Variants in PNO1 observed in about 807,000 individuals in gnomAD.
PNO1 encodes the protein partner of NOB1 homolog.
Under a neutral mutation model 28.4 loss-of-function variants are expected in PNO1, and 16 were observed. That is an observed-to-expected ratio of 0.56 (90% CI 0.38 to 0.85). The LOEUF is 0.85. Ranked by LOEUF, PNO1 falls within the 40% of genes least tolerant of loss-of-function variation. PNO1 has a pLI of 0.00. For missense variants in PNO1, 304 were observed against 312.2 expected (o/e 0.97, Z 0.20); for synonymous variants, 115 against 110.8 (o/e 1.04, Z -0.24).
At chr2:68,159,730 A>C (rs1457195675) in intron 2 of PNO1, among the ~76,000 whole-genome samples, 1 of 152,152 alleles carries the variant, frequency 6.6e-6, no homozygotes, top group African/African-American at 2.4e-5. Flanking sequence ...TAAATAGTTG[A>C]TAAAGTGTAA....
chr2:68,173,284 T>G (rs1186108884), intron 5 of PNO1, 63 bp from the exon 6 acceptor site: 1 of 1,008,524 alleles, frequency 9.9e-7, no homozygotes, highest in African/African-American at 1.6e-5. Context: ...TCCAAAGTGC[T>G]GGGATTACAG....
Position 68,162,315 on chromosome 2 carries a change from A to G in PNO1, c.492A>G (p.Glu164=). The G allele has an allele frequency of 6.2e-7, 1 of 1,610,862 alleles. No homozygotes were observed. Among genetic ancestry groups the G allele is most frequent in the Non-Finnish European group, 8.5e-7 (1 of 1,177,860 alleles). ...RLDDLFLESF[E]ITDVKPLKGD... ...ATGACCTCTTCCTAGAGTCTTTTGA[A>G]ATTACAGATGGTGAGTGTGTGTTGG... The change falls in exon 4 of 7, where the codon GAA becomes GAG. Residue 164 remains glutamate, a synonymous_variant. Coordinates refer to ENST00000263657, the MANE Select transcript of PNO1 (RefSeq NM_020143.4).
intron 5 of PNO1, among the ~76,000 whole-genome samples, chr2:68,170,680 G>A (rs1422718466): frequency 1.4e-5 from 2 of 147,222 alleles, no homozygotes; most frequent in South Asian, 2.2e-4. Context: ...TCCGAGAGGC[G>A]GAGCTTGCAG....
intron 2 of PNO1, among the ~76,000 whole-genome samples, chr2:68,160,414 T>A (rs1673801081): frequency 6.6e-6 from 1 of 152,238 alleles, no homozygotes; most frequent in South Asian, 2.1e-4. Flanking sequence ...CCTACTCCTT[T>A]CTCTTTATAC....
chr2:68,173,260 A>G, intron 5 of PNO1, 87 bp from the exon 6 acceptor site: 2 of 800,846 alleles, frequency 2.5e-6, no homozygotes, highest in South Asian at 1.4e-5. Flanking sequence ...CAAATGATCT[A>G]CCTGCCTTGG....
At chr2:68,165,615 A>G (rs1336575852) in intron 5 of PNO1, among the ~76,000 whole-genome samples, 1 of 149,896 alleles carries the variant, frequency 6.7e-6, no homozygotes, top group Admixed American at 6.7e-5. Flanking sequence ...TTGGGAGGCT[A>G]AGGCGGGTGG....
intron 2 of PNO1, chr2:68,161,281 A>G (rs1449841905): frequency 2.1e-6 from 1 of 472,198 alleles, no homozygotes; most frequent in Non-Finnish European, 4.4e-6. Flanking sequence ...GATAACTAAG[A>G]AGATTAAGTC....
At chr2:68,164,849 G>A (rs936643865) in intron 5 of PNO1, among the ~76,000 whole-genome samples, 3 of 152,246 alleles carry the variant, frequency 2.0e-5, no homozygotes, top group African/African-American at 4.8e-5. Context: ...GCTCCTCACC[G>A]TATGGTGGGG....
At chr2:68,161,814 TG>T in intron 3 of PNO1, 48 bp downstream of exon 3, 5 of 1,230,654 alleles carry the variant, frequency 4.1e-6, no homozygotes, top group Non-Finnish European at 6.0e-6. Context: ...AAATATTCAA[TG>T]TGAACATTTC....
chr2:68,160,445 G>A (rs547495205), intron 2 of PNO1, among the ~76,000 whole-genome samples: 5 of 152,216 alleles, frequency 3.3e-5, no homozygotes, highest in East Asian at 1.9e-4. Context: ...GTATCTTTCC[G>A]GGTCTAGCTC....
Position 68,158,370 on chromosome 2 carries a change from T to C in PNO1, c.208-10T>C, listed in dbSNP as rs773154266. On this transcript the variant is annotated splice_polypyrimidine_tract_variant and intron_variant, in intron 1 of 6. Transcript: ENST00000263657. ...ATAGCCTTCTGAGTTGTGTGTTCTT[T>C]TATTTACAGAGTGGGAAAGAAGAAA... 1.9e-5 allele frequency: 31 copies of C among 1,605,402 alleles called. 1 individual carries two copies. The South Asian group carries it at 3.2e-4, about 17-fold the overall frequency.
At chr2:68,173,291 A>T in intron 5 of PNO1, 56 bp from the exon 6 acceptor site, 1 of 1,046,518 alleles carries the variant, frequency 9.6e-7, no homozygotes, top group Non-Finnish European at 1.5e-6. Context: ...TGCTGGGATT[A>T]CAGGTGTGAG....
At chr2:68,167,254 A>C (rs1028759966) in intron 5 of PNO1, among the ~76,000 whole-genome samples, 2 of 152,028 alleles carry the variant, frequency 1.3e-5, no homozygotes, top group Non-Finnish European at 2.9e-5. Context: ...GAGTGGGTGC[A>C]AGGAGACCAC....
intron 5 of PNO1, among the ~76,000 whole-genome samples, chr2:68,163,178 C>A (rs1454228576): frequency 1.3e-5 from 2 of 152,124 alleles, no homozygotes; most frequent in African/African-American, 4.8e-5. Flanking sequence ...ATTATATATT[C>A]TTTTCTCATT....
chr2:68,172,245 G>C (rs548520664), intron 5 of PNO1, among the ~76,000 whole-genome samples: 7 of 152,250 alleles, frequency 4.6e-5, no homozygotes, highest in Admixed American at 2.0e-4. Flanking sequence ...GCAGGGTGGT[G>C]GGTGATGTGG....
chr2:68,159,116 C>T (rs1470882635), intron 2 of PNO1, among the ~76,000 whole-genome samples: 1 of 152,058 alleles, frequency 6.6e-6, no homozygotes, highest in East Asian at 1.9e-4. Flanking sequence ...TGTATATTCT[C>T]CATTATACTG....
chr2:68,170,747 C>CAAAAAAAA (rs767088135), intron 5 of PNO1, among the ~76,000 whole-genome samples: 2 of 61,096 alleles, frequency 3.3e-5, no homozygotes, highest in Non-Finnish European at 6.4e-5. Flanking sequence ...GACTCCGTCT[C>CAAAAAAAA]AAAAAAAAAA....
chr2:68,168,371 G>T (rs947451701), intron 5 of PNO1, among the ~76,000 whole-genome samples: 7 of 152,342 alleles, frequency 4.6e-5, no homozygotes, highest in Middle Eastern at 3.4e-3. Context: ...GGTAGTACCA[G>T]TCCATGGTCA....
intron 5 of PNO1, among the ~76,000 whole-genome samples, chr2:68,167,142 A>G (rs1454868439): frequency 6.6e-6 from 1 of 152,138 alleles, no homozygotes; most frequent in Non-Finnish European, 1.5e-5. Context: ...TGTTCTTTCC[A>G]TCGAGTTCTC....
Sources: gnomAD v4.1 joint callset for allele counts (sites outside exome capture counted in the v4.1 genomes callset) on GRCh38, gnomAD v4.1.1 for gene constraint, MANE v1.5 for transcripts, NCBI Gene and HGNC (gene_info 2026-07-23, HGNC 2026-07-21) for gene names.